Variants in PCSK5 observed in about 807,000 individuals in gnomAD.
PCSK5 encodes the protein prohormone convertase 5.
In PCSK5, 129 loss-of-function variants were observed where a neutral mutation model predicts 233.2. That is an observed-to-expected ratio of 0.55 (90% CI 0.48 to 0.64). PCSK5 has a LOEUF of 0.64. Among genes scored for constraint, PCSK5 ranks in the 30% least tolerant of loss-of-function variants. The probability of loss-of-function intolerance (pLI) is 0.00; values close to 1 mark genes in which losing one functional copy is unlikely to be tolerated. For synonymous variants in PCSK5, 825 were observed against 879.2 expected (o/e 0.94, Z 1.09); for missense variants, 2,076 against 2,430.1 (o/e 0.85, Z 3.06).
chr9:75,976,120 A>G (rs1826002207), intron 2 of PCSK5, among the ~76,000 whole-genome samples: 1 of 152,170 alleles, frequency 6.6e-6, no homozygotes, highest in Admixed American at 6.5e-5. Context: ...GATGTCCTAA[A>G]GTTTAAAATG....
chr9:76,029,769 C>G (rs1828578211), intron 5 of PCSK5, among the ~76,000 whole-genome samples: 1 of 152,176 alleles, frequency 6.6e-6, no homozygotes, highest in Non-Finnish European at 1.5e-5. Flanking sequence ...TAGCACAGGT[C>G]AGGAACCCTG....
At chr9:76,290,846 T>C (rs924088282) in intron 24 of PCSK5, among the ~76,000 whole-genome samples, 3 of 152,350 alleles carry the variant, frequency 2.0e-5, no homozygotes, top group African/African-American at 7.2e-5. Context: ...GAGTGGGCCA[T>C]AGTTGCCAAC....
chr9:76,356,183 A>G (rs1364124303), intron 37 of PCSK5, among the ~76,000 whole-genome samples: 1 of 152,202 alleles, frequency 6.6e-6, no homozygotes, highest in Non-Finnish European at 1.5e-5. Context: ...CACAACATTA[A>G]TGCCTTTAAA....
rs1379274792 is a variant in PCSK5, at chr9:76,189,628, T to C, written c.2511-3T>C. On this transcript the variant is annotated splice_region_variant and splice_polypyrimidine_tract_variant and intron_variant, in intron 19 of 37. Coordinates refer to ENST00000674117, the MANE Select transcript of PCSK5 (RefSeq NM_001372043.1). ...ATTAAAAAATTGTACATTTTTCTCA[T>C]AGATGTGATATCAGTTGTTTGACGT... The C allele has an allele frequency of 2.5e-6, 4 of 1,591,778 alleles. No homozygotes were observed. The highest frequency in any genetic ancestry group is 2.2e-5 in the South Asian group (2 of 90,532).
chr9:76,191,785 C>T (rs138690020), intron 20 of PCSK5, among the ~76,000 whole-genome samples: 126 of 152,236 alleles, frequency 8.3e-4, no homozygotes, highest in African/African-American at 2.8e-3. Flanking sequence ...CAAGTGCCTC[C>T]TTTACTTTAC....
rs1564196982 is a variant in PCSK5, at chr9:76,351,532, G to GAAAA, written c.5067+604_5067+605insAAAA. 1.7e-4 allele frequency among the ~76,000 whole-genome samples: 16 copies of GAAAA among 94,462 alleles called. 4 individuals are homozygous for GAAAA. Among genetic ancestry groups the GAAAA allele is most frequent in the South Asian group, 8.1e-4 (2 of 2,464 alleles). 62.0% of individuals were successfully genotyped at this position (94,462 alleles called of 152,430 possible). A position where few individuals can be genotyped will look rare whatever the true frequency, so the allele number is the denominator to read the frequency against. ...AGAAAGAAAGAAAGAAAGAAAGAAAGGAAGGAAAGAAAGAGAAAGAAGAGA... is the reference window on the plus strand; with the variant it reads ...AGAAAGAAAGAAAGAAAGAAAGAAAGAAAAGAAGGAAAGAAAGAGAAAGAAGAGA... On this transcript the variant is annotated intron_variant, in intron 36 of 37. Transcript: ENST00000674117.
At chr9:76,112,758 CATT>C (rs1349135691) in intron 9 of PCSK5, among the ~76,000 whole-genome samples, 41 of 151,872 alleles carry the variant, frequency 2.7e-4, no homozygotes, top group Non-Finnish European at 1.5e-5. Context: ...TTTATATTCT[CATT>C]AGGGAAGCAA....
At chr9:76,070,166 A>G (rs939412141) in intron 6 of PCSK5, among the ~76,000 whole-genome samples, 5 of 151,864 alleles carry the variant, frequency 3.3e-5, no homozygotes, top group Non-Finnish European at 7.4e-5. Context: ...GCGCCCGGCT[A>G]ATTTTTTGTA....
intron 22 of PCSK5, among the ~76,000 whole-genome samples, chr9:76,235,430 T>G (rs1564126266): frequency 6.6e-6 from 1 of 152,230 alleles, no homozygotes; most frequent in African/African-American, 2.4e-5. Context: ...CTTCTAAGCA[T>G]CCTACAACTA....
chr9:76,144,331 TA>T (rs1823352292), intron 10 of PCSK5, among the ~76,000 whole-genome samples: 1 of 152,238 alleles, frequency 6.6e-6, no homozygotes, highest in Admixed American at 6.5e-5. Context: ...AGAAGATATG[TA>T]TCCAGCTTGG....
intron 15 of PCSK5, among the ~76,000 whole-genome samples, chr9:76,180,096 T>TAC (rs1225287389): frequency 1.7e-4 from 25 of 146,256 alleles, no homozygotes; most frequent in Non-Finnish European, 1.2e-4. Context: ...TGTATATATA[T>TAC]ATATATATAC....
At chr9:76,233,403 T>G in intron 21 of PCSK5, 57 bp from the exon 22 acceptor site, 1 of 1,582,778 alleles carries the variant, frequency 6.3e-7, no homozygotes. Flanking sequence ...GTTCTGATAC[T>G]TAGGGCCACT....
At chr9:75,940,663 G>A (rs1363611883) in intron 2 of PCSK5, among the ~76,000 whole-genome samples, 1 of 152,222 alleles carries the variant, frequency 6.6e-6, no homozygotes, top group South Asian at 2.1e-4. Context: ...GTGTAATGGA[G>A]TAACTGGAGT....
Position 76,151,834 on chromosome 9 carries a change from G to C in PCSK5, c.1313-5211G>C, listed in dbSNP as rs143936426. The stretch of plus-strand genomic sequence containing the variant: ...TTTTAATTGTTTCTCAAATTATAAA[G>C]TTATTCTTGTCTCACCTTCTACTTG... On this transcript the variant is annotated intron_variant, in intron 10 of 37. Coordinates refer to ENST00000674117, the MANE Select transcript of PCSK5 (RefSeq NM_001372043.1). Among the ~76,000 whole-genome samples the C allele has an allele frequency of 3.9e-5, 6 of 152,286 alleles. No individual in the cohort carries two copies. In the East Asian group the frequency reaches 1.2e-3, roughly 29 times the overall value.
At chr9:75,900,669 A>G (rs1282975288) in intron 1 of PCSK5, among the ~76,000 whole-genome samples, 1 of 120,376 alleles carries the variant, frequency 8.3e-6, no homozygotes, top group African/African-American at 3.4e-5. Flanking sequence ...ACGGAGCGAG[A>G]CTCTGTCTCA....
At chr9:76,324,801 G>C (rs961095736) in intron 32 of PCSK5, among the ~76,000 whole-genome samples, 3 of 152,126 alleles carry the variant, frequency 2.0e-5, no homozygotes, top group African/African-American at 4.8e-5. Context: ...CTAGAGCCCA[G>C]GATTCACTCT....
intron 3 of PCSK5, among the ~76,000 whole-genome samples, chr9:75,997,929 G>C (rs541337034): frequency 6.6e-6 from 1 of 152,156 alleles, no homozygotes; most frequent in Non-Finnish European, 1.5e-5. Context: ...TAGTTTCCTG[G>C]TGAGTTGAAT....
intron 24 of PCSK5, among the ~76,000 whole-genome samples, chr9:76,253,249 T>TC (rs1337254752): frequency 3.4e-5 from 4 of 118,292 alleles, no homozygotes; most frequent in Admixed American, 8.2e-5. Context: ...CTTCTTCTTC[T>TC]TTTTTTTTTT....
chr9:76,076,471 A>G (rs1830650184), intron 7 of PCSK5, among the ~76,000 whole-genome samples: 1 of 152,162 alleles, frequency 6.6e-6, no homozygotes. Flanking sequence ...GGTCCAGGAG[A>G]GTGTTGGACC....
Sources: gnomAD v4.1 joint callset for allele counts (sites outside exome capture counted in the v4.1 genomes callset) on GRCh38, gnomAD v4.1.1 for gene constraint, MANE v1.5 for transcripts, NCBI Gene and HGNC (gene_info 2026-07-23, HGNC 2026-07-21) for gene names.